The following LCA5 variants were observed in gnomAD, a reference collection of about 807,000 sequenced individuals.
LCA5 encodes lebercilin.
A neutral mutation model predicts 53.0 loss-of-function variants in LCA5; 37 were observed. The ratio of observed to expected loss-of-function variants is 0.70; its 90% CI spans 0.54 to 0.92. LCA5 has a LOEUF of 0.92. Ranked by LOEUF, LCA5 falls within the 40% of genes least tolerant of loss-of-function variation. The pLI is 0.00. For synonymous variants in LCA5, 303 were observed against 282.9 expected (o/e 1.07, Z -0.71); for missense variants, 806 against 790.5 (o/e 1.02, Z -0.23).
At chr6:79,498,829 T>G (rs908604521) in intron 3 of LCA5, among the ~76,000 whole-genome samples, 1 of 152,038 alleles carries the variant, frequency 6.6e-6, no homozygotes, top group African/African-American at 2.4e-5. Context: ...TGGTGAAATC[T>G]AACAAATTTT....
In LCA5 at chr6:79,511,198, T is replaced by C. The variant is rs75281448; in HGVS notation, c.720+2014A>G. Among the ~76,000 whole-genome samples, 1,184 of 152,238 alleles carry C rather than the reference T, an allele frequency of 7.8e-3. 16 individuals are homozygous for C. The highest frequency in any genetic ancestry group is 0.027 in the African/African-American group (1,110 of 41,554). ...ACAAAAATGTGCACATAAGTGGTCA[T>C]AGCAGTTTTATTAGTCAAGAGCCCA... is the stretch of plus-strand genomic sequence containing the variant. On this transcript the variant is annotated intron_variant, in intron 3 of 7. Transcript: ENST00000369846.
intron 2 of LCA5, 40 bp downstream of exon 2, chr6:79,518,665 A>T (rs986379531): frequency 1.8e-5 from 28 of 1,583,300 alleles, no homozygotes; most frequent in Non-Finnish European, 2.3e-5. Flanking sequence ...ACTCAAAATG[A>T]GTCTTCTAGG....
intron 1 of LCA5, among the ~76,000 whole-genome samples, chr6:79,521,600 C>G (rs1582648500): frequency 6.6e-6 from 1 of 152,228 alleles, no homozygotes; most frequent in East Asian, 1.9e-4. Context: ...AAAACTTTGA[C>G]ATTCAAAATT....
chr6:79,485,536 A>G lies in LCA5; in HGVS notation c.*1468T>C, dbSNP rs1036471326. On this transcript the variant is annotated 3_prime_UTR_variant, in exon 8 of 8. Coordinates refer to ENST00000369846, the MANE Select transcript of LCA5 (RefSeq NM_001122769.3). ...GTTCCCAATAAATGAAAGGAACACA[A>G]TTTAGAAGATGACAGGTGGTACATC... 2.0e-5 allele frequency: 3 copies of G among 152,346 alleles called. No individual in the cohort carries two copies. The highest frequency in any genetic ancestry group is 4.4e-5 in the Non-Finnish European group (3 of 68,010). The allele number at this position is 152,346 out of a possible 1,614,324, so 9.4% of individuals were successfully genotyped here.
intron 1 of LCA5, among the ~76,000 whole-genome samples, chr6:79,530,008 T>C (rs1287052353): frequency 1.3e-5 from 2 of 150,270 alleles, no homozygotes. Context: ...CTAATGTAAA[T>C]GACGAGTTAA....
At chr6:79,498,415 A>G (rs1194695537) in intron 3 of LCA5, among the ~76,000 whole-genome samples, 1 of 152,162 alleles carries the variant, frequency 6.6e-6, no homozygotes, top group Non-Finnish European at 1.5e-5. Context: ...GCAAAACAGG[A>G]AACCATTAAA....
intron 3 of LCA5, among the ~76,000 whole-genome samples, chr6:79,505,272 T>C (rs937936515): frequency 6.6e-6 from 1 of 152,166 alleles, no homozygotes; most frequent in Non-Finnish European, 1.5e-5. Flanking sequence ...AATTTCATTA[T>C]AAATCTTCTC....
At chr6:79,498,226 G>C (rs1770037174) in intron 3 of LCA5, among the ~76,000 whole-genome samples, 1 of 151,520 alleles carries the variant, frequency 6.6e-6, no homozygotes, top group African/African-American at 2.4e-5. Context: ...CCACATGAGA[G>C]AGCATGCATG....
chr6:79,502,361 T>A (rs1165644877), intron 3 of LCA5, among the ~76,000 whole-genome samples: 1 of 152,206 alleles, frequency 6.6e-6, no homozygotes, highest in African/African-American at 2.4e-5. Context: ...GCTTCCTCTG[T>A]GCATTACGAG....
chr6:79,536,491 A>G (rs1322315266), intron 1 of LCA5, among the ~76,000 whole-genome samples: 6 of 152,374 alleles, frequency 3.9e-5, no homozygotes, highest in South Asian at 4.1e-4. Context: ...ACTGTTAAAC[A>G]CTATCCCACG....
chr6:79,489,028 T>C, intron 7 of LCA5, 56 bp downstream of exon 7: 2 of 1,600,266 alleles, frequency 1.2e-6, no homozygotes, highest in Non-Finnish European at 1.7e-6. Context: ...ACGCTCACTC[T>C]TTCTTTCTCA....
intron 2 of LCA5, among the ~76,000 whole-genome samples, chr6:79,516,622 G>C (rs1480648165): frequency 1.3e-5 from 2 of 151,742 alleles, no homozygotes; most frequent in Non-Finnish European, 2.9e-5. Context: ...AATATTTCCA[G>C]CTTTCATCTA....
In LCA5 at chr6:79,487,069, C is replaced by T. The variant is rs367583144; in HGVS notation, c.2029G>A (p.Asp677Asn). The T allele has an allele frequency of 2.0e-5, 32 of 1,613,756 alleles. No homozygotes were observed. The highest frequency in any genetic ancestry group is 2.1e-5 in the Non-Finnish European group (25 of 1,179,810). ...PNRHRLKHADDKPAVKAADSV... is the reference protein window; with the variant it reads ...PNRHRLKHADNKPAVKAADSV... Reference sequence around the variant, plus strand: ...TCAGCTGCTTTTACTGCTGGTTTATCGTCTGCATGTTTTAATCGGTGCCTA... The same window carrying T: ...TCAGCTGCTTTTACTGCTGGTTTATTGTCTGCATGTTTTAATCGGTGCCTA... The change falls in exon 8 of 8, where the codon GAT (aspartate) becomes AAT (asparagine). Residue 677 changes from aspartate (D) to asparagine (N), a missense_variant. Asp to Asn is a conservative substitution (Grantham distance 23). Transcript: ENST00000369846.
At chr6:79,497,956 CAAAA>C (rs34167121) in intron 3 of LCA5, among the ~76,000 whole-genome samples, 2 of 92,770 alleles carry the variant, frequency 2.2e-5, no homozygotes, top group Admixed American at 1.2e-4. Flanking sequence ...GACTCCATCT[CAAAA>C]AAAAAAAAAA....
At chr6:79,515,322 G>A (rs1305433040) in intron 2 of LCA5, among the ~76,000 whole-genome samples, 3 of 152,070 alleles carry the variant, frequency 2.0e-5, no homozygotes, top group African/African-American at 7.2e-5. Context: ...AAGTACAGGT[G>A]TGTTTCTAAA....
chr6:79,515,463 C>T (rs1766399836), intron 2 of LCA5, among the ~76,000 whole-genome samples: 2 of 152,052 alleles, frequency 1.3e-5, no homozygotes, highest in South Asian at 4.1e-4. Context: ...TAAATCACAA[C>T]ATTTCTCAAA....
intron 3 of LCA5, 72 bp from the exon 4 acceptor site, chr6:79,493,822 T>C (rs2127669798): frequency 8.4e-7 from 1 of 1,190,490 alleles, no homozygotes; most frequent in Non-Finnish European, 1.2e-6. Flanking sequence ...CATGGCAGTG[T>C]CAAAATGATG....
At chr6:79,488,818 C>T in intron 7 of LCA5, 4 of 524,160 alleles carry the variant, frequency 7.6e-6, no homozygotes, top group Non-Finnish European at 1.3e-5. Flanking sequence ...CTGAATTCTA[C>T]TTCATCAGAA....
chr6:79,487,677 A>G lies in LCA5; in HGVS notation c.1421T>C (p.Ile474Thr). 1 of 1,613,886 alleles carries G rather than the reference A, an allele frequency of 6.2e-7. No individual in the cohort carries two copies. The highest frequency in any genetic ancestry group is 8.5e-7 in the Non-Finnish European group (1 of 1,179,862). The change falls in exon 8 of 8, where the codon ATT (isoleucine) becomes ACT (threonine). Residue 474 changes from isoleucine to threonine, a missense_variant. Physicochemically the swap from Ile to Thr is moderately conservative, Grantham distance 89. Coordinates refer to ENST00000369846, the MANE Select transcript of LCA5 (RefSeq NM_001122769.3). ...TCGAGAATCTTGGAGTTCTCTGTCAATTTCATTCAGTTTAGCAAGTAGCAT... is the reference window on the plus strand; with the variant it reads ...TCGAGAATCTTGGAGTTCTCTGTCAGTTTCATTCAGTTTAGCAAGTAGCAT... ...REMLLAKLNEIDRELQDSRNL... is the reference protein window; with the variant it reads ...REMLLAKLNETDRELQDSRNL...
Sources: allele counts gnomAD v4.1 joint callset (sites outside exome capture counted in the v4.1 genomes callset), GRCh38; gene constraint gnomAD v4.1.1; transcripts MANE v1.5; gene names NCBI Gene and HGNC (gene_info 2026-07-23, HGNC 2026-07-21).